PGPEP1L: variants seen among roughly 807,000 people sequenced by gnomAD.
The protein encoded by PGPEP1L is pyroglutamyl-peptidase I like.
PGPEP1L carries 7 observed loss-of-function variants against 6.0 expected under a neutral mutation model. That is an observed-to-expected ratio of 1.17 (90% CI 0.66 to 2.19). The LOEUF (loss-of-function observed/expected upper bound fraction) is 2.19, where lower values mean the gene tolerates loss of function less well. Among genes scored for constraint, PGPEP1L ranks in the 30% most tolerant of loss-of-function variants. PGPEP1L has a pLI of 0.00. For synonymous variants in PGPEP1L, 103 were observed against 83.9 expected (o/e 1.23, Z -1.24); for missense variants, 209 against 192.5 (o/e 1.09, Z -0.51).
At chr15:98,984,232 G>A (rs931419025) in intron 2 of PGPEP1L, among the ~76,000 whole-genome samples, 4 of 152,042 alleles carry the variant, frequency 2.6e-5, no homozygotes, top group Admixed American at 6.5e-5. Flanking sequence ...AGATGGTCTC[G>A]ATCTCCTGAC....
chr15:99,002,581 T>A (rs1555473172), intron 2 of PGPEP1L, among the ~76,000 whole-genome samples: 1 of 152,206 alleles, frequency 6.6e-6, no homozygotes, highest in African/African-American at 2.4e-5. Flanking sequence ...TATGTCAATA[T>A]CAGGAGAGGC....
chr15:98,977,738 T>C (rs1006796805), intron 2 of PGPEP1L, among the ~76,000 whole-genome samples: 4 of 152,242 alleles, frequency 2.6e-5, no homozygotes, highest in Non-Finnish European at 4.4e-5. Flanking sequence ...TTTTGGTCTA[T>C]GTGTTCTGTC....
rs1446348988 is a variant in PGPEP1L, at chr15:98,978,726, A to ATAT, written c.-141-7569_-141-7568insATA. ...ACTGTGTATATATATATATATATAT[A>ATAT]TTTTTTTTTTTTTTTTTTTTTTGAG... On this transcript the variant is annotated intron_variant, in intron 2 of 4. Transcript: ENST00000535714. Among the ~76,000 whole-genome samples, 790 of 85,230 alleles carry ATAT rather than the reference A, an allele frequency of 9.3e-3. 2 individuals carry two copies. The highest frequency in any genetic ancestry group is 0.012 in the Non-Finnish European group (556 of 46,036). The allele number at this position is 85,230 out of a possible 152,430, so 55.9% of individuals were successfully genotyped here. A position where few individuals can be genotyped will look rare whatever the true frequency, so the allele number is the denominator to read the frequency against.
Position 99,005,618 on chromosome 15 carries a change from C to A in PGPEP1L, c.-331G>T, listed in dbSNP as rs1279227464. Reference sequence around the variant, plus strand: ...GGGAGCCCAACCCCTCCTGGCCGCCCGGCGTCCGTAGCGTTCTGGGCCCCG... The same window carrying A: ...GGGAGCCCAACCCCTCCTGGCCGCCAGGCGTCCGTAGCGTTCTGGGCCCCG... On this transcript the variant is annotated 5_prime_UTR_variant, in exon 2 of 5. Coordinates refer to ENST00000535714, the MANE Select transcript of PGPEP1L (RefSeq NM_001167902.2). 1.3e-5 allele frequency: 2 copies of A among 152,304 alleles called. No individual in the cohort carries two copies. Among genetic ancestry groups the A allele is most frequent in the African/African-American group, 4.8e-5 (2 of 41,456 alleles). The allele number at this position is 152,304 out of a possible 1,614,324, so 9.4% of individuals were successfully genotyped here.
rs201945671 is a variant in PGPEP1L at position 98,969,561 on chromosome 15, G to A, written c.73C>T (p.Arg25Cys). The stretch of plus-strand genomic sequence containing the variant: ...ACGCCGCCCTCGGGCCAGAAGCTGC[G>A]GATGTCGGCGTCCCGGTAGCCTTGG... ...KNQGYRDADIRSFWPEGGVCL... is the reference protein window; with the variant it reads ...KNQGYRDADICSFWPEGGVCL... The change falls in exon 4 of 5, where the codon CGC becomes TGC. Residue 25 changes from arginine to cysteine, a missense_variant. Transcript: ENST00000535714. The A allele has an allele frequency of 2.8e-5, 45 of 1,613,850 alleles. No individual in the cohort carries two copies. Among genetic ancestry groups the A allele is most frequent in the African/African-American group, 1.7e-4 (13 of 74,944 alleles).
At chr15:99,006,943 A>G (rs1409292470) in intron 1 of PGPEP1L, among the ~76,000 whole-genome samples, 1 of 152,176 alleles carries the variant, frequency 6.6e-6, no homozygotes, top group East Asian at 1.9e-4. Flanking sequence ...GAGCCTCTCA[A>G]GCACCCTGCG....
At chr15:98,984,077 C>T (rs986598023) in intron 2 of PGPEP1L, among the ~76,000 whole-genome samples, 3 of 142,474 alleles carry the variant, frequency 2.1e-5, no homozygotes, top group South Asian at 2.3e-4. Flanking sequence ...AGTGCAGTGG[C>T]GCAGCTCACT....
chr15:98,995,270 G>A (rs2715450), intron 2 of PGPEP1L, among the ~76,000 whole-genome samples: 142,010 of 152,286 alleles, frequency 0.93, 66,241 homozygotes, highest in Non-Finnish European at 0.94. Context: ...CTTCAGATCT[G>A]TCTTCTAGTT....
intron 1 of PGPEP1L, among the ~76,000 whole-genome samples, chr15:99,006,533 CAAAA>C (rs1181435155): frequency 6.6e-6 from 1 of 152,218 alleles, no homozygotes; most frequent in Non-Finnish European, 1.5e-5. Flanking sequence ...TATTTAAAAA[CAAAA>C]CAAACTTTTG....
chr15:98,999,645 G>A (rs1311534234), intron 2 of PGPEP1L, among the ~76,000 whole-genome samples: 2 of 152,152 alleles, frequency 1.3e-5, no homozygotes, highest in African/African-American at 4.8e-5. Context: ...AGCTTTATTT[G>A]TAATAGACCA....
chr15:99,000,576 G>C (rs1219576201), intron 2 of PGPEP1L, among the ~76,000 whole-genome samples: 1 of 152,204 alleles, frequency 6.6e-6, no homozygotes, highest in African/African-American at 2.4e-5. Context: ...TCAGCACCCT[G>C]TGTCTAGCTC....
intron 2 of PGPEP1L, among the ~76,000 whole-genome samples, chr15:98,984,009 CTTTT>C (rs71456904): frequency 3.5e-4 from 41 of 115,774 alleles, no homozygotes; most frequent in Admixed American, 1.1e-3. Flanking sequence ...AGTAAGTAGT[CTTTT>C]TTTTTTTTTT....
At position 98,968,577 on chromosome 15, in the gene PGPEP1L, T is replaced by C; in HGVS notation, c.330A>G (p.Arg110=). ...LPASLLGRAL[R]VIIQEMLEEV... ...CTTCCAGCATTTCCTGGATGATGAC[T>C]CTCAAGGCTCTTCCCAGCAGGCTGG... Residue 110 remains arginine (R), a synonymous_variant, in exon 5 of 5, where the codon AGA becomes AGG. Transcript: ENST00000535714. 1 of 1,584,812 alleles carries C rather than the reference T, an allele frequency of 6.3e-7. No homozygotes were observed. The highest frequency in any genetic ancestry group is 8.6e-7 in the Non-Finnish European group (1 of 1,158,994).
At chr15:98,978,950 G>A (rs778960024) in intron 2 of PGPEP1L, among the ~76,000 whole-genome samples, 9 of 151,616 alleles carry the variant, frequency 5.9e-5, no homozygotes, top group Admixed American at 2.0e-4. Flanking sequence ...GGATGGTCTC[G>A]ATCTCTTGAC....
chr15:99,005,350 C>G (rs2018036301), intron 2 of PGPEP1L, 79 bp downstream of exon 2: 1 of 152,462 alleles, frequency 6.6e-6, no homozygotes, highest in South Asian at 2.1e-4. Flanking sequence ...ATTTAAGACC[C>G]AGGATCAGGC....
At chr15:99,003,085 G>A (rs1177002447) in intron 2 of PGPEP1L, among the ~76,000 whole-genome samples, 3 of 151,376 alleles carry the variant, frequency 2.0e-5, no homozygotes, top group Non-Finnish European at 2.9e-5. Flanking sequence ...TGGACAGAAC[G>A]TCCCAAAAAG....
rs1426147107 is a variant in PGPEP1L at position 98,993,663 on chromosome 15, G to A, written c.-142+11766C>T. On this transcript the variant is annotated intron_variant, in intron 2 of 4. Transcript: ENST00000535714. Reference sequence around the variant, plus strand: ...GGGGTGGGGGTGGGCATCACACACCGGGGCCTGTCAGGCGGTGGGGGGTGG... The same window carrying A: ...GGGGTGGGGGTGGGCATCACACACCAGGGCCTGTCAGGCGGTGGGGGGTGG... Among the ~76,000 whole-genome samples the A allele has an allele frequency of 5.3e-5, 8 of 149,920 alleles. No individual in the cohort carries two copies. In the East Asian group the frequency reaches 7.8e-4, roughly 15 times the overall value.
At chr15:98,981,352 T>TGGTG (rs923041374) in intron 2 of PGPEP1L, among the ~76,000 whole-genome samples, 3 of 150,886 alleles carry the variant, frequency 2.0e-5, no homozygotes, top group African/African-American at 7.3e-5. Flanking sequence ...TAGCCGGGCG[T>TGGTG]GCTGGCGGGC....
At chr15:98,993,183 G>T (rs1442506727) in intron 2 of PGPEP1L, among the ~76,000 whole-genome samples, 2 of 152,102 alleles carry the variant, frequency 1.3e-5, no homozygotes, top group African/African-American at 4.8e-5. Context: ...TACAGAATGG[G>T]AGAACATTTT....
Sources: gnomAD v4.1 joint callset for allele counts (sites outside exome capture counted in the v4.1 genomes callset) on GRCh38, gnomAD v4.1.1 for gene constraint, MANE v1.5 for transcripts, NCBI Gene and HGNC (gene_info 2026-07-23, HGNC 2026-07-21) for gene names.